The following ZMYND11 variants were observed in gnomAD, a reference collection of about 807,000 sequenced individuals.
ZMYND11 encodes the protein zinc finger MYND-type containing 11, also known as zinc finger MYND domain-containing protein 11.
ZMYND11 carries 9 observed loss-of-function variants against 84.9 expected under a neutral mutation model. That is an observed-to-expected ratio of 0.11 (90% CI 0.06 to 0.18). The LOEUF is 0.18. Ranked by LOEUF, ZMYND11 falls within the 10% of genes least tolerant of loss-of-function variation. ZMYND11 has a pLI of 1.00. For synonymous variants in ZMYND11, 250 were observed against 244.1 expected (o/e 1.02, Z -0.23); for missense variants, 409 against 761.0 (o/e 0.54, Z 5.44).
intron 3 of ZMYND11, among the ~76,000 whole-genome samples, chr10:215,032 C>T (rs1361156741): frequency 6.6e-6 from 1 of 152,146 alleles, no homozygotes; most frequent in Non-Finnish European, 1.5e-5. Context: ...GCAGATAAAG[C>T]ATATCAAATA....
At chr10:227,061 TAAC>T (rs922106575) in intron 4 of ZMYND11, among the ~76,000 whole-genome samples, 4 of 152,198 alleles carry the variant, frequency 2.6e-5, no homozygotes, top group Admixed American at 6.5e-5. Flanking sequence ...TCAGCCCACT[TAAC>T]AAGATGTAGA....
At chr10:167,375 G>T (rs554402485) in intron 1 of ZMYND11, among the ~76,000 whole-genome samples, 44 of 152,052 alleles carry the variant, frequency 2.9e-4, no homozygotes, top group African/African-American at 1.1e-3. Context: ...AATAAACAGG[G>T]TAACAATTTT....
rs1328445422 is a variant in ZMYND11 at position 135,825 on chromosome 10, C to T, written c.-20+266C>T. Among the ~76,000 whole-genome samples, 1 of 149,680 alleles carries T rather than the reference C, an allele frequency of 6.7e-6. No individual in the cohort carries two copies. The highest frequency in any genetic ancestry group is 1.5e-5 in the Non-Finnish European group (1 of 67,140). On this transcript the variant is annotated intron_variant, in intron 1 of 14. Transcript: ENST00000381604. This position sits in a 1 kb window ranked among gnomAD's most constrained non-coding sequence, Gnocchi z 5.6. ...CCCGCGCCCACTCGCCTTGGGCGGC[C>T]GCGGAAGAGGCCCCGGGATGAGGCC... is the stretch of plus-strand genomic sequence containing the variant.
intron 1 of ZMYND11, among the ~76,000 whole-genome samples, chr10:175,517 C>T (rs1368613100): frequency 6.6e-5 from 10 of 151,866 alleles, no homozygotes; most frequent in South Asian, 4.2e-4. Flanking sequence ...TGCAGTGAGC[C>T]GAAATCACAC....
chr10:191,318 C>T (rs1324294032), intron 2 of ZMYND11, among the ~76,000 whole-genome samples: 2 of 152,128 alleles, frequency 1.3e-5, no homozygotes, highest in Non-Finnish European at 2.9e-5. Flanking sequence ...TTAAATGTTT[C>T]CTTCCGGCAT....
intron 2 of ZMYND11, among the ~76,000 whole-genome samples, chr10:205,564 G>A (rs1943972509): frequency 6.6e-6 from 1 of 151,626 alleles, no homozygotes; most frequent in Admixed American, 6.6e-5. Context: ...GTGGTGTGTG[G>A]CTGTAATCCC....
In ZMYND11 at chr10:152,544, G is replaced by A. The variant is rs550217309; in HGVS notation, c.-20+16985G>A. On this transcript the variant is annotated intron_variant, in intron 1 of 14. Coordinates refer to ENST00000381604, the MANE Select transcript of ZMYND11 (RefSeq NM_001370100.5). ...AAATATATATGCACCCAATACAGGA[G>A]CACCCAGATTCATAAAGCAAGTCCT... Among the ~76,000 whole-genome samples, 3 of 152,266 alleles carry A rather than the reference G, an allele frequency of 2.0e-5. No individual in the cohort carries two copies. The South Asian group carries it at 6.2e-4, about 32-fold the overall frequency.
intron 4 of ZMYND11, 110 bp downstream of exon 4, chr10:221,466 A>AG (rs1947122773): frequency 9.4e-7 from 1 of 1,063,988 alleles, no homozygotes; most frequent in Non-Finnish European, 1.4e-6. Context: ...AAAGGACTGG[A>AG]GGGTGGGGGT....
At chr10:237,758 A>AT (rs1950221619) in intron 6 of ZMYND11, 81 bp downstream of exon 6, 3 of 1,115,610 alleles carry the variant, frequency 2.7e-6, no homozygotes, top group East Asian at 5.1e-5. Context: ...AGTTAAGCAG[A>AT]TTTTGGTTGC....
At chr10:183,732 A>G (rs77362019) in intron 2 of ZMYND11, among the ~76,000 whole-genome samples, 3,542 of 152,286 alleles carry the variant, frequency 0.023, 135 homozygotes, top group African/African-American at 0.08. Flanking sequence ...CATGCATTTA[A>G]TTACATTTCA....
At chr10:162,915 G>C (rs1554762403) in intron 1 of ZMYND11, among the ~76,000 whole-genome samples, 1 of 152,074 alleles carries the variant, frequency 6.6e-6, no homozygotes, top group Non-Finnish European at 1.5e-5. Context: ...TTTTTTACAG[G>C]TCTGCTATAA....
rs1835873145 is a variant in ZMYND11 at position 135,848 on chromosome 10, G to GC, written c.-20+293dup. Among the ~76,000 whole-genome samples the GC allele has an allele frequency of 6.6e-6, 1 of 150,594 alleles. No homozygotes were observed. The highest frequency in any genetic ancestry group is 1.5e-5 in the Non-Finnish European group (1 of 67,504). ...GCCGCGGAAGAGGCCCCGGGATGAGGCCCCGGAGGACCGCGCGGGGCCTGC... is the reference window on the plus strand; with the variant it reads ...GCCGCGGAAGAGGCCCCGGGATGAGGCCCCCGGAGGACCGCGCGGGGCCTGC... On this transcript the variant is annotated intron_variant, in intron 1 of 14. Transcript: ENST00000381604. This position sits in a 1 kb window ranked among gnomAD's most constrained non-coding sequence, Gnocchi z 5.6.
intron 2 of ZMYND11, among the ~76,000 whole-genome samples, chr10:192,273 T>A (rs1475545851): frequency 2.0e-5 from 3 of 152,214 alleles, no homozygotes; most frequent in African/African-American, 2.4e-5. Flanking sequence ...ACTACTTATT[T>A]AAGTATTAAG....
intron 1 of ZMYND11, among the ~76,000 whole-genome samples, chr10:145,186 G>A (rs1330366498): frequency 6.7e-6 from 1 of 149,974 alleles, no homozygotes; most frequent in East Asian, 1.9e-4. Flanking sequence ...GTATATATGT[G>A]TATATACATA....
At chr10:230,328 C>T (rs1231289340) in intron 4 of ZMYND11, among the ~76,000 whole-genome samples, 1 of 146,202 alleles carries the variant, frequency 6.8e-6, no homozygotes, top group Non-Finnish European at 1.5e-5. Context: ...CAAAAATTAG[C>T]CCAGCATGCT....
chr10:192,155 C>T (rs1054923827), intron 2 of ZMYND11, among the ~76,000 whole-genome samples: 3 of 152,122 alleles, frequency 2.0e-5, no homozygotes, highest in African/African-American at 7.2e-5. Context: ...TTCACGGTGC[C>T]TGTATGTGTC....
chr10:239,385 C>T (rs1022401951), intron 6 of ZMYND11, 53 bp from the exon 7 acceptor site: 6 of 1,457,708 alleles, frequency 4.1e-6, no homozygotes, highest in African/African-American at 2.8e-5. Flanking sequence ...TTAGTCCAGA[C>T]AAGTATTTTT....
intron 4 of ZMYND11, among the ~76,000 whole-genome samples, chr10:232,629 T>TG (rs1949192791): frequency 1.3e-5 from 2 of 152,222 alleles, no homozygotes; most frequent in African/African-American, 4.8e-5. Flanking sequence ...GGCTTCATGG[T>TG]GTCCGGAATA....
At chr10:193,407 TGTATG>T (rs1940946971) in intron 2 of ZMYND11, among the ~76,000 whole-genome samples, 1 of 152,212 alleles carries the variant, frequency 6.6e-6, no homozygotes, top group South Asian at 2.1e-4. Context: ...CTGCAACCTC[TGTATG>T]GAGTAAGGAT....
Sources: allele counts gnomAD v4.1 joint callset (sites outside exome capture counted in the v4.1 genomes callset), GRCh38; gene constraint gnomAD v4.1.1; non-coding constraint Gnocchi (gnomAD v3.1); transcripts MANE v1.5; gene names NCBI Gene and HGNC (gene_info 2026-07-23, HGNC 2026-07-21).